The following JAZF1 variants were observed in gnomAD, a reference collection of about 807,000 sequenced individuals.
JAZF1 encodes the protein JAZF zinc finger 1, also known as juxtaposed with another zinc finger protein 1.
In JAZF1, 8 loss-of-function variants were observed where a neutral mutation model predicts 26.4. That is an observed-to-expected ratio of 0.30 (90% CI 0.18 to 0.55). The LOEUF (loss-of-function observed/expected upper bound fraction) is 0.55, where lower values mean the gene tolerates loss of function less well. JAZF1 is among the 20% of genes least tolerant of loss of function. The pLI is 0.94. For synonymous variants in JAZF1, 126 were observed against 122.3 expected, an observed-to-expected ratio of 1.03 and a Z score of -0.20; for missense variants, 199 against 322.0, an observed-to-expected ratio of 0.62 and a Z score of 2.92.
At chr7:27,835,731 G>A (rs115349040) in intron 4 of JAZF1, among the ~76,000 whole-genome samples, 386 of 152,198 alleles carry the variant, frequency 2.5e-3, no homozygotes, top group African/African-American at 8.8e-3. Context: ...CCGCGGGAAC[G>A]TCCTCTTTAC....
chr7:27,911,923 T>C (rs1784365223), intron 2 of JAZF1, among the ~76,000 whole-genome samples: 1 of 152,176 alleles, frequency 6.6e-6, no homozygotes, highest in African/African-American at 2.4e-5. Flanking sequence ...TGTTTTTAGA[T>C]GAACATCTGG....
intron 2 of JAZF1, among the ~76,000 whole-genome samples, chr7:27,920,310 T>G (rs1183797623): frequency 6.6e-6 from 1 of 152,236 alleles, no homozygotes; most frequent in Non-Finnish European, 1.5e-5. Flanking sequence ...TCTTGATATC[T>G]CAAGGGAGTC....
intron 2 of JAZF1, among the ~76,000 whole-genome samples, chr7:27,982,983 A>G (rs2128362675): frequency 6.6e-6 from 1 of 152,334 alleles, no homozygotes; most frequent in East Asian, 1.9e-4. Context: ...AACCACAAAG[A>G]TGGGGAGAAA....
chr7:28,174,777 A>C lies in JAZF1; in HGVS notation c.115+5686T>G, dbSNP rs1783522836. 2.7e-5 allele frequency among the ~76,000 whole-genome samples: 2 copies of C among 73,062 alleles called. 1 individual carries two copies. The highest frequency in any genetic ancestry group is 9.5e-5 in the Non-Finnish European group (2 of 20,964). The allele number at this position is 73,062 out of a possible 152,430, so 47.9% of individuals were successfully genotyped here. A position where few individuals can be genotyped will look rare whatever the true frequency, so the allele number is the denominator to read the frequency against. On this transcript the variant is annotated intron_variant, in intron 1 of 4. Transcript: ENST00000283928. ...AACAGAGTTTTGGAGACTGCCGTAA[A>C]GTTTCAGATTTCGGGTTCCCTGATC...
intron 1 of JAZF1, among the ~76,000 whole-genome samples, chr7:28,040,339 G>A (rs1783367890): frequency 6.6e-6 from 1 of 152,194 alleles, no homozygotes; most frequent in Non-Finnish European, 1.5e-5. Context: ...CTGTTCTTGT[G>A]CAGTTTACAA....
At chr7:27,851,463 ATGTAG>A (rs1583430296) in intron 3 of JAZF1, among the ~76,000 whole-genome samples, 2 of 152,230 alleles carry the variant, frequency 1.3e-5, no homozygotes, top group Admixed American at 1.3e-4. Flanking sequence ...AGCCTGGGCA[ATGTAG>A]TGGCACCCCA....
chr7:27,999,847 C>A (rs542061351), intron 1 of JAZF1, among the ~76,000 whole-genome samples: 87 of 152,282 alleles, frequency 5.7e-4, no homozygotes, highest in African/African-American at 1.0e-3. Context: ...GAGGGGAAAA[C>A]AGGCCCATGG....
At chr7:28,093,474 C>T (rs1173822052) in intron 1 of JAZF1, among the ~76,000 whole-genome samples, 1 of 152,126 alleles carries the variant, frequency 6.6e-6, no homozygotes, top group Non-Finnish European at 1.5e-5. Flanking sequence ...TTATCAGCAG[C>T]GTTATCAGCA....
intron 3 of JAZF1, among the ~76,000 whole-genome samples, chr7:27,889,036 T>C (rs1278604841): frequency 1.3e-5 from 2 of 152,124 alleles, no homozygotes; most frequent in African/African-American, 2.4e-5. Context: ...ACGTGGAATA[T>C]GTTCAAAATT....
chr7:27,914,907 G>A lies in JAZF1; in HGVS notation c.189-19491C>T, dbSNP rs141098604. Reference sequence around the variant, plus strand: ...GCTCATAGGACCTAGTTTATTCATGGCAGTAACCAGAGCGCCATTTACTTT... The same window carrying A: ...GCTCATAGGACCTAGTTTATTCATGACAGTAACCAGAGCGCCATTTACTTT... On this transcript the variant is annotated intron_variant, in intron 2 of 4. Transcript: ENST00000283928. 6.7e-3 allele frequency: 3,061 copies of A among 457,262 alleles called. 14 individuals are homozygous for A. The highest frequency in any genetic ancestry group is 0.01 in the Non-Finnish European group (2,282 of 220,572). 28.3% of individuals were successfully genotyped at this position (457,262 alleles called of 1,614,324 possible). A position where few individuals can be genotyped will look rare whatever the true frequency, so the allele number is the denominator to read the frequency against.
chr7:28,095,393 A>G (rs1396694140), intron 1 of JAZF1, among the ~76,000 whole-genome samples: 1 of 152,128 alleles, frequency 6.6e-6, no homozygotes, highest in Non-Finnish European at 1.5e-5. Context: ...GATCTTCACA[A>G]GCAGGGAGGA....
intron 2 of JAZF1, among the ~76,000 whole-genome samples, chr7:27,908,817 T>C (rs147266087): frequency 6.6e-6 from 1 of 152,340 alleles, no homozygotes; most frequent in East Asian, 1.9e-4. Flanking sequence ...GGAACACACA[T>C]TCTATTTTAT....
At chr7:28,063,058 A>G (rs1356787794) in intron 1 of JAZF1, among the ~76,000 whole-genome samples, 1 of 152,208 alleles carries the variant, frequency 6.6e-6, no homozygotes, top group Non-Finnish European at 1.5e-5. Flanking sequence ...CTTTGCTTAT[A>G]TCATATGAAA....
chr7:27,838,205 C>T (rs1437606621), intron 4 of JAZF1, among the ~76,000 whole-genome samples: 1 of 152,098 alleles, frequency 6.6e-6, no homozygotes, highest in African/African-American at 2.4e-5. Context: ...AACTGTTTTT[C>T]TCTTGTTAAT....
At chr7:27,865,515 T>C (rs188601663) in intron 3 of JAZF1, among the ~76,000 whole-genome samples, 14 of 152,348 alleles carry the variant, frequency 9.2e-5, no homozygotes, top group African/African-American at 2.9e-4. Context: ...ATCTAGTTTA[T>C]AGGATTTCTT....
intron 2 of JAZF1, 85 bp downstream of exon 2, chr7:27,991,824 T>C: frequency 1.3e-6 from 1 of 769,234 alleles, no homozygotes. Flanking sequence ...GAAAACATTT[T>C]TCCACTCTGT....
intron 2 of JAZF1, among the ~76,000 whole-genome samples, chr7:27,963,568 C>CTTT (rs1481483685): frequency 6.3e-5 from 7 of 111,348 alleles, no homozygotes; most frequent in African/African-American, 2.6e-4. Flanking sequence ...TCCCCCCCCC[C>CTTT]CTTTTTTTTT....
intron 4 of JAZF1, among the ~76,000 whole-genome samples, chr7:27,836,665 G>C (rs1298065351): frequency 2.0e-5 from 3 of 152,156 alleles, no homozygotes; most frequent in African/African-American, 7.2e-5. Context: ...TAATGGTGGG[G>C]GTTAAAAGTG....
intron 3 of JAZF1, among the ~76,000 whole-genome samples, chr7:27,866,984 CGACAT>C (rs1783484055): frequency 6.6e-6 from 1 of 152,156 alleles, no homozygotes; most frequent in Non-Finnish European, 1.5e-5. Context: ...TCACTCTTAA[CGACAT>C]GACTTCTGAA....
Sources: allele counts gnomAD v4.1 joint callset (sites outside exome capture counted in the v4.1 genomes callset), GRCh38; gene constraint gnomAD v4.1.1; transcripts MANE v1.5; gene names NCBI Gene and HGNC (gene_info 2026-07-23, HGNC 2026-07-21).